The following CASP5 variants were observed in gnomAD, a reference collection of about 807,000 sequenced individuals.
The protein encoded by CASP5 is caspase-5.
In CASP5, 42 loss-of-function variants were observed where a neutral mutation model predicts 45.2. The observed-to-expected ratio is 0.93, with a 90% CI of 0.73 to 1.20. The LOEUF is 1.20. Among genes scored for constraint, CASP5 ranks in the 50% most tolerant of loss-of-function variants. The probability of loss-of-function intolerance (pLI) is 0.00; values close to 1 mark genes in which losing one functional copy is unlikely to be tolerated. For synonymous variants in CASP5, 209 were observed against 186.2 expected (o/e 1.12, Z -1.00); for missense variants, 512 against 532.2 (o/e 0.96, Z 0.37).
At chr11:105,001,945 G>A (rs1861752327) in intron 5 of CASP5, 83 bp downstream of exon 5, 1 of 1,421,710 alleles carries the variant, frequency 7.0e-7, no homozygotes. Context: ...GTTAAACCTT[G>A]TTGAACTTCT....
intron 1 of CASP5, among the ~76,000 whole-genome samples, chr11:105,009,438 T>A (rs146888930): frequency 5.5e-4 from 83 of 151,704 alleles, no homozygotes; most frequent in African/African-American, 2.0e-3. Flanking sequence ...TGAATTTGTG[T>A]TTTTTAACAC....
intron 1 of CASP5, among the ~76,000 whole-genome samples, chr11:105,019,405 C>A (rs547557849): frequency 0.11 from 15,480 of 139,182 alleles, 1,092 homozygotes; most frequent in Admixed American, 0.15. Context: ...TCATAGACCG[C>A]TAGCAAGACT....
At chr11:105,003,612 C>A (rs369599231) in intron 3 of CASP5, among the ~76,000 whole-genome samples, 4 of 151,538 alleles carry the variant, frequency 2.6e-5, no homozygotes, top group Non-Finnish European at 5.9e-5. Flanking sequence ...CTATAGATTC[C>A]GATTATTCTG....
At chr11:105,016,952 G>A (rs1862643206) in intron 1 of CASP5, among the ~76,000 whole-genome samples, 1 of 151,578 alleles carries the variant, frequency 6.6e-6, no homozygotes, top group African/African-American at 2.4e-5. Flanking sequence ...CACGCAGCTG[G>A]AGATCTGAGA....
chr11:105,010,489 GATATAATAAATCAGTAATTATCATTA>G lies in CASP5; in HGVS notation c.8-1535_8-1510del, dbSNP rs1462942698. Among the ~76,000 whole-genome samples the G allele has an allele frequency of 1.2e-3, 139 of 115,250 alleles. 3 individuals are homozygous for G. In the South Asian group the frequency reaches 0.032, roughly 27 times the overall value. 75.6% of individuals were successfully genotyped at this position (115,250 alleles called of 152,430 possible). On this transcript the variant is annotated intron_variant, in intron 1 of 9. Transcript: ENST00000260315. Reference sequence around the variant, plus strand: ...ATAAATCAGTAATTATCATTATACTGATATAATAAATCAGTAATTATCATTATTATTATTATATCATATCAGTAATA... The same window carrying G: ...ATAAATCAGTAATTATCATTATACTGTTATTATTATATCATATCAGTAATA...
intron 1 of CASP5, among the ~76,000 whole-genome samples, chr11:105,015,570 T>A (rs1037444125): frequency 3.3e-5 from 5 of 152,160 alleles, no homozygotes; most frequent in African/African-American, 1.2e-4. Flanking sequence ...TGTTTATAAT[T>A]ATTAACCCAC....
intron 1 of CASP5, among the ~76,000 whole-genome samples, chr11:105,010,013 G>T (rs1021961210): frequency 2.7e-5 from 4 of 149,728 alleles, no homozygotes; most frequent in Admixed American, 6.7e-5. Context: ...GTTGTATGTG[G>T]AAAAGCCAGA....
In CASP5 at chr11:105,003,370, G is replaced by T. The variant is rs367770147; in HGVS notation, c.447C>A (p.Ile149=). The T allele has an allele frequency of 6.3e-7, 1 of 1,592,446 alleles. No homozygotes were observed. Among genetic ancestry groups the T allele is most frequent in the Non-Finnish European group, 8.6e-7 (1 of 1,168,934 alleles). The change falls in exon 4 of 10, where the codon ATC becomes ATA. Residue 149 remains isoleucine (I), a synonymous_variant. Coordinates refer to ENST00000260315, the MANE Select transcript of CASP5 (RefSeq NM_004347.5). ...CTGCTGACTCAGGTGGTCCAGCCTC[G>T]ATTTGCAGAAGAGCTGTGGGATATC... ...KITSVKPLLQ[I]EAGPPESAES...
chr11:105,008,639 C>T (rs1862120804), intron 2 of CASP5, among the ~76,000 whole-genome samples, 168 bp downstream of exon 2: 1 of 151,918 alleles, frequency 6.6e-6, no homozygotes, highest in African/African-American at 2.4e-5. Context: ...CTGGATCCCA[C>T]CCCACAAAAG....
rs763940698 is a variant in CASP5 at position 105,002,175 on chromosome 11, GT to G, written c.569del (p.Asp190AlafsTer30). The G allele has an allele frequency of 3.1e-6, 5 of 1,614,060 alleles. No homozygotes were observed. Among genetic ancestry groups the G allele is most frequent in the Non-Finnish European group, 4.2e-6 (5 of 1,179,988 alleles). On this transcript the variant is annotated frameshift_variant, in exon 5 of 10. Coordinates refer to ENST00000260315, the MANE Select transcript of CASP5 (RefSeq NM_004347.5). LOFTEE classifies it high-confidence loss of function. Reference protein sequence around the residue: ...DEIYPIKKREDRRRLALIICN... With the variant: ...DEIYPIKKREXRRRLALIICN... ...ATATGATGAGAGCCAGGCGTCTGCGGTCCTCTCTCTTTTTTATTGGATAGAT... is the reference window on the plus strand; with the variant it reads ...ATATGATGAGAGCCAGGCGTCTGCGGCCTCTCTCTTTTTTATTGGATAGAT...
chr11:105,020,625 G>A (rs2134771279), intron 1 of CASP5, among the ~76,000 whole-genome samples: 1 of 151,162 alleles, frequency 6.6e-6, no homozygotes, highest in African/African-American at 2.4e-5. Context: ...TCTTCAAGGA[G>A]AACTACAAAC....
chr11:104,994,393 C>T (rs1017357577), intron 9 of CASP5, 46 bp from the exon 10 acceptor site: 1 of 152,246 alleles, frequency 6.6e-6, no homozygotes, highest in Non-Finnish European at 1.5e-5. Context: ...TTACCCCTCA[C>T]TGCCTTCATC....
rs146303138 is a variant in CASP5, at chr11:105,002,198, A to G, written c.547T>C (p.Tyr183His). The change falls in exon 5 of 10, where the codon TAT becomes CAT. Residue 183 changes from tyrosine (Y) to histidine (H), a missense_variant. Transcript: ENST00000260315. ...CGGTCCTCTCTCTTTTTTATTGGAT[A>G]GATCTGCAGGAGATGGAGATGAAGC... The part of the protein sequence containing the change: ...RLCKKNHDEI[Y>H]PIKKREDRRR... The G allele has an allele frequency of 1.9e-6, 3 of 1,613,702 alleles. No homozygotes were observed. Among genetic ancestry groups the G allele is most frequent in the African/African-American group, 2.7e-5 (2 of 74,860 alleles).
At chr11:105,014,721 C>T (rs117255109) in intron 1 of CASP5, among the ~76,000 whole-genome samples, 2 of 152,196 alleles carry the variant, frequency 1.3e-5, no homozygotes, top group African/African-American at 4.8e-5. Context: ...GTGAAAAATA[C>T]TCTGCTAGTT....
At chr11:105,001,886 A>G in intron 5 of CASP5, 142 bp downstream of exon 5, 1 of 653,364 alleles carries the variant, frequency 1.5e-6, no homozygotes. Flanking sequence ...TTGCTAGTGC[A>G]TGTGCGCATG....
chr11:104,996,190 C>T (rs1861465631), intron 8 of CASP5, among the ~76,000 whole-genome samples: 1 of 152,166 alleles, frequency 6.6e-6, no homozygotes, highest in African/African-American at 2.4e-5. Flanking sequence ...TCAACCCCCA[C>T]CAACGCTGAT....
At chr11:105,019,118 A>G (rs1165009095) in intron 1 of CASP5, among the ~76,000 whole-genome samples, 46 of 151,046 alleles carry the variant, frequency 3.0e-4, no homozygotes, top group African/African-American at 1.1e-3. Flanking sequence ...GAGAACAAAG[A>G]TACAACATAC....
chr11:105,017,698 A>T (rs1398466461), intron 1 of CASP5, among the ~76,000 whole-genome samples: 1 of 151,810 alleles, frequency 6.6e-6, no homozygotes, highest in Non-Finnish European at 1.5e-5. Flanking sequence ...CCTGAAAGTG[A>T]CGGGGAGAAT....
intron 9 of CASP5, among the ~76,000 whole-genome samples, 185 bp downstream of exon 9, chr11:104,995,555 A>G (rs1326092127): frequency 2.0e-5 from 3 of 152,214 alleles, no homozygotes; most frequent in Admixed American, 1.3e-4. Context: ...TTGATTGATT[A>G]TATAGTTGAG....
Sources: allele counts gnomAD v4.1 joint callset (sites outside exome capture counted in the v4.1 genomes callset), GRCh38; gene constraint gnomAD v4.1.1; transcripts MANE v1.5; gene names NCBI Gene and HGNC (gene_info 2026-07-23, HGNC 2026-07-21).